The following ADK variants were observed in gnomAD, a reference collection of about 807,000 sequenced individuals.
The protein encoded by ADK is N6,N6-dimethyladenosine kinase.
In ADK, 24 loss-of-function variants were observed where a neutral mutation model predicts 44.7. The observed-to-expected ratio is 0.54, with a 90% CI of 0.39 to 0.76. ADK has a LOEUF of 0.76. Ranked by LOEUF, ADK falls within the 30% of genes least tolerant of loss-of-function variation. The pLI is 0.00. For synonymous variants in ADK, 128 were observed against 142.6 expected (o/e 0.90, Z 0.73); for missense variants, 321 against 425.1 (o/e 0.76, Z 2.15).
chr10:74,258,947 G>GTTTTTT (rs141424052), intron 3 of ADK, among the ~76,000 whole-genome samples: 5 of 96,114 alleles, frequency 5.2e-5, no homozygotes, highest in East Asian at 2.7e-4. Flanking sequence ...TTGTTTTTGT[G>GTTTTTT]TTTTTTTTTT....
At chr10:74,438,420 T>C (rs10762613) in intron 6 of ADK, among the ~76,000 whole-genome samples, 109,247 of 150,820 alleles carry the variant, frequency 0.72, 40,213 homozygotes, top group Middle Eastern at 0.86. Context: ...TTAGTAGAGA[T>C]GGGGTTTTAC....
At chr10:74,227,082 G>A (rs1424820073) in intron 3 of ADK, among the ~76,000 whole-genome samples, 4 of 152,156 alleles carry the variant, frequency 2.6e-5, no homozygotes, top group African/African-American at 9.7e-5. Flanking sequence ...TTGGTAGGGT[G>A]GTGGTCATGG....
At chr10:74,593,211 G>A (rs1291963211) in intron 8 of ADK, among the ~76,000 whole-genome samples, 1 of 152,176 alleles carries the variant, frequency 6.6e-6, no homozygotes, top group East Asian at 1.9e-4. Flanking sequence ...GTTTTTGTAG[G>A]TGCCTGAACC....
chr10:74,585,444 A>G (rs1851497467), intron 7 of ADK, among the ~76,000 whole-genome samples: 2 of 152,210 alleles, frequency 1.3e-5, no homozygotes, highest in South Asian at 4.1e-4. Context: ...TGAGAAACTG[A>G]GTAATAGTGA....
At chr10:74,634,163 T>G (rs1853537923) in intron 9 of ADK, among the ~76,000 whole-genome samples, 1 of 152,152 alleles carries the variant, frequency 6.6e-6, no homozygotes. Context: ...AATCCCCTCC[T>G]TAGAAACATT....
chr10:74,611,380 T>C (rs1852538035), intron 9 of ADK, among the ~76,000 whole-genome samples: 1 of 152,134 alleles, frequency 6.6e-6, no homozygotes, highest in Non-Finnish European at 1.5e-5. Flanking sequence ...ATTTGAATTG[T>C]AATTTTTCAC....
intron 2 of ADK, among the ~76,000 whole-genome samples, chr10:74,202,087 C>G (rs1053897274): frequency 1.3e-5 from 2 of 152,106 alleles, no homozygotes; most frequent in Admixed American, 6.6e-5. Flanking sequence ...AGTAGTCATT[C>G]GCTATTCCCT....
chr10:74,662,159 T>A (rs1854758891), intron 9 of ADK, among the ~76,000 whole-genome samples: 1 of 152,238 alleles, frequency 6.6e-6, no homozygotes, highest in Non-Finnish European at 1.5e-5. Flanking sequence ...CTTCATTTTT[T>A]AGGTAATAAC....
At chr10:74,337,760 AT>A (rs71475276) in intron 4 of ADK, among the ~76,000 whole-genome samples, 40,038 of 130,004 alleles carry the variant, frequency 0.31, 5,166 homozygotes, top group Middle Eastern at 0.38. Context: ...TCTTCGGATG[AT>A]TTTTTTTTTT....
At chr10:74,491,789 T>G (rs1847497709) in intron 6 of ADK, among the ~76,000 whole-genome samples, 1 of 151,930 alleles carries the variant, frequency 6.6e-6, no homozygotes, top group South Asian at 2.1e-4. Context: ...TCTTTGAATT[T>G]GTGTGTGTGT....
intron 4 of ADK, among the ~76,000 whole-genome samples, chr10:74,319,396 T>G (rs1358598045): frequency 3.9e-5 from 6 of 152,196 alleles, no homozygotes; most frequent in African/African-American, 1.4e-4. Context: ...TCTTTCTGCC[T>G]CTTTGCGTGG....
chr10:74,608,818 C>T (rs11001081), intron 9 of ADK, among the ~76,000 whole-genome samples: 8,841 of 152,146 alleles, frequency 0.058, 366 homozygotes, highest in Middle Eastern at 0.14. Flanking sequence ...CGAAGCTGTG[C>T]CCACAGCTGT....
chr10:74,483,846 A>T (rs1482037526), intron 6 of ADK, among the ~76,000 whole-genome samples: 3 of 152,230 alleles, frequency 2.0e-5, no homozygotes, highest in Non-Finnish European at 4.4e-5. Context: ...CCTCATCTCC[A>T]TCTGAGACCT....
At chr10:74,664,086 T>C (rs1016168189) in intron 9 of ADK, among the ~76,000 whole-genome samples, 5 of 152,254 alleles carry the variant, frequency 3.3e-5, no homozygotes, top group African/African-American at 1.2e-4. Flanking sequence ...AAAGCATTAA[T>C]GCTTTGTGAC....
intron 4 of ADK, among the ~76,000 whole-genome samples, chr10:74,340,979 A>G (rs1037458768): frequency 2.6e-5 from 4 of 152,188 alleles, no homozygotes; most frequent in Non-Finnish European, 2.9e-5. Flanking sequence ...AATGATTTCA[A>G]TATTAACTCT....
chr10:74,259,534 G>A (rs1295398443), intron 3 of ADK, among the ~76,000 whole-genome samples: 1 of 139,498 alleles, frequency 7.2e-6, no homozygotes, highest in African/African-American at 2.7e-5. Flanking sequence ...TCGGCTCACC[G>A]CAAGCTCCAC....
intron 4 of ADK, among the ~76,000 whole-genome samples, chr10:74,346,770 G>A (rs984474492): frequency 5.9e-5 from 9 of 151,974 alleles, no homozygotes; most frequent in Non-Finnish European, 1.0e-4. Context: ...GAGAAGCAGT[G>A]GAGTCAGGAG....
At chr10:74,479,619 T>C (rs963564901) in intron 6 of ADK, among the ~76,000 whole-genome samples, 1 of 151,996 alleles carries the variant, frequency 6.6e-6, no homozygotes, top group Non-Finnish European at 1.5e-5. Context: ...TTCTGTGTGA[T>C]TTATTATCTC....
rs768089255 is a variant in ADK, at chr10:74,331,406, AT to A, written c.273+16662del. 5.8e-4 allele frequency among the ~76,000 whole-genome samples: 88 copies of A among 152,356 alleles called. 2 individuals are homozygous for A. Among genetic ancestry groups the A allele is most frequent in the Admixed American group, 2.0e-4 (3 of 15,294 alleles). ...CTTCAATTGAAATAGCAAGGCCAGA[AT>A]AATTTAATCATGTTTTCCAGAAGAA... On this transcript the variant is annotated intron_variant, in intron 4 of 10. Coordinates refer to ENST00000539909, the MANE Select transcript of ADK (RefSeq NM_006721.4).
Sources: gnomAD v4.1 joint callset for allele counts (sites outside exome capture counted in the v4.1 genomes callset) on GRCh38, gnomAD v4.1.1 for gene constraint, MANE v1.5 for transcripts, NCBI Gene and HGNC (gene_info 2026-07-23, HGNC 2026-07-21) for gene names.